Variants in SH3BP5 observed in about 807,000 individuals in gnomAD.
SH3BP5 encodes the protein SH3 domain-binding protein 5.
SH3BP5 carries 22 observed loss-of-function variants against 43.3 expected under a neutral mutation model. The observed-to-expected ratio is 0.51, with a 90% CI of 0.36 to 0.73. SH3BP5 has a LOEUF of 0.73. SH3BP5 is among the 30% of genes least tolerant of loss of function. The pLI is 0.00. For missense variants in SH3BP5, 529 were observed against 586.9 expected, an observed-to-expected ratio of 0.90 and a Z score of 1.02; for synonymous variants, 255 against 225.8, an observed-to-expected ratio of 1.13 and a Z score of -1.16.
intron 5 of SH3BP5, among the ~76,000 whole-genome samples, chr3:15,261,583 C>G (rs1309141975): frequency 6.6e-6 from 1 of 152,096 alleles, no homozygotes; most frequent in Non-Finnish European, 1.5e-5. Context: ...GCTAGGAGGC[C>G]TAGCAATTGG....
intron 3 of SH3BP5, among the ~76,000 whole-genome samples, chr3:15,281,628 A>G (rs188693732): frequency 1.2e-4 from 19 of 152,212 alleles, no homozygotes; most frequent in Middle Eastern, 6.8e-3. Context: ...CTGCTCCCCA[A>G]GTGCATGGTT....
chr3:15,318,704 A>T (rs1181558736), intron 2 of SH3BP5, among the ~76,000 whole-genome samples: 2 of 152,162 alleles, frequency 1.3e-5, no homozygotes, highest in Non-Finnish European at 2.9e-5. Context: ...CTGGGATTAC[A>T]GGCATGCACT....
At chr3:15,258,213 C>T (rs1696293354) in intron 7 of SH3BP5, 1 of 152,204 alleles carries the variant, frequency 6.6e-6, no homozygotes, top group Non-Finnish European at 1.5e-5. Context: ...TATGCAAAGA[C>T]AGCGTTGGGT....
Position 15,262,274 on chromosome 3 carries a change from G to C in SH3BP5, c.511C>G (p.Gln171Glu). The C allele has an allele frequency of 6.2e-7, 1 of 1,614,126 alleles. No homozygotes were observed. Reference protein sequence around the residue: ...HATQRVMEAEQTKTRSELVHK... With the variant: ...HATQRVMEAEETKTRSELVHK... ...ACCAGCTCGCTCCTGGTCTTGGTCT[G>C]CTCCGCCTCCATGACCTTAAAATGA... Residue 171 changes from glutamine to glutamate, a missense_variant, in exon 5 of 9, where the codon CAG becomes GAG. This residue lies in a region of SH3BP5 where 369 missense variants were observed against 384.3 expected (regional missense o/e 0.96). Transcript: ENST00000383791.
intron 2 of SH3BP5, among the ~76,000 whole-genome samples, chr3:15,313,325 C>T (rs1698106104): frequency 6.6e-6 from 1 of 152,220 alleles, no homozygotes; most frequent in East Asian, 1.9e-4. Context: ...CACATGCAGT[C>T]CTAGGATGTG....
intron 2 of SH3BP5, among the ~76,000 whole-genome samples, chr3:15,318,824 G>A (rs547225624): frequency 7.9e-5 from 12 of 152,238 alleles, no homozygotes; most frequent in South Asian, 2.1e-4. Context: ...TGCTGGCCTC[G>A]GCCTCCCAAA....
chr3:15,337,625 G>T (rs1300969830), intron 1 of SH3BP5, among the ~76,000 whole-genome samples: 2 of 151,892 alleles, frequency 1.3e-5, no homozygotes, highest in Non-Finnish European at 1.5e-5. Flanking sequence ...TGAAACCTGG[G>T]CCCCAGGCCA....
intron 3 of SH3BP5, among the ~76,000 whole-genome samples, chr3:15,277,214 C>T (rs1003658108): frequency 1.3e-5 from 2 of 152,170 alleles, no homozygotes; most frequent in Non-Finnish European, 1.5e-5. Flanking sequence ...TTAGGTGATC[C>T]GCCTGCCTCA....
chr3:15,258,603 TGTAA>T, intron 7 of SH3BP5: 1 of 562,078 alleles, frequency 1.8e-6, no homozygotes, highest in East Asian at 2.9e-5. Flanking sequence ...GGAGTGAAGG[TGTAA>T]CATTTTCCCA....
At chr3:15,269,668 C>T in intron 4 of SH3BP5, 45 bp downstream of exon 4, 1 of 1,486,586 alleles carries the variant, frequency 6.7e-7, no homozygotes, top group Non-Finnish European at 9.0e-7. Flanking sequence ...AGCCAGCGCG[C>T]ATGCACGCGC....
intron 3 of SH3BP5, among the ~76,000 whole-genome samples, chr3:15,290,085 C>T (rs968995982): frequency 1.1e-4 from 17 of 152,134 alleles, no homozygotes; most frequent in Non-Finnish European, 2.1e-4. Flanking sequence ...GAGCACAGGG[C>T]ATCTTTTTTT....
rs1231541691 is a variant in SH3BP5 at position 15,256,131 on chromosome 3, TC to T, written c.1322del (p.Gly441GlufsTer9). 2 of 1,614,088 alleles carry T rather than the reference TC, an allele frequency of 1.2e-6. No homozygotes were observed. Among genetic ancestry groups the T allele is most frequent in the African/African-American group, 1.3e-5 (1 of 74,936 alleles). On this transcript the variant is annotated frameshift_variant, in exon 9 of 9. Transcript: ENST00000383791. LOFTEE classifies it high-confidence loss of function. ...MKQLSLQCSKGRDGIIADIKM... is the reference protein window; with the variant it reads ...MKQLSLQCSKXRDGIIADIKM... Reference sequence around the variant, plus strand: ...TTATGTCAGCAATAATTCCATCTCTTCCCTTTGAGCACTGTAGGGAGAGCTG... The same window carrying T: ...TTATGTCAGCAATAATTCCATCTCTTCCTTTGAGCACTGTAGGGAGAGCTG...
intron 2 of SH3BP5, among the ~76,000 whole-genome samples, chr3:15,311,824 T>A (rs944465623): frequency 1.3e-5 from 2 of 151,990 alleles, no homozygotes; most frequent in Non-Finnish European, 2.9e-5. Context: ...GAGGCACGTA[T>A]GACCACACCC....
chr3:15,261,505 C>T (rs150578178), intron 5 of SH3BP5, among the ~76,000 whole-genome samples: 150 of 152,236 alleles, frequency 9.9e-4, no homozygotes, highest in African/African-American at 3.4e-3. Flanking sequence ...ATTCAGTAGC[C>T]CTGCACAGCC....
intron 3 of SH3BP5, among the ~76,000 whole-genome samples, chr3:15,296,294 A>G (rs1697566931): frequency 6.6e-6 from 1 of 151,906 alleles, no homozygotes; most frequent in Non-Finnish European, 1.5e-5. Context: ...CTGACCTGCT[A>G]TAATCCTCCC....
At position 15,332,097 on chromosome 3, in the gene SH3BP5, TC is replaced by T; in HGVS notation, c.138+173del. ...CCGCATCCACGCGGGCACTGTAGCC[TC>T]CTCATTGTGGAGACGATGAAACGGA... On this transcript the variant is annotated intron_variant, in intron 1 of 8. Coordinates refer to ENST00000383791, the MANE Select transcript of SH3BP5 (RefSeq NM_004844.5). The T allele has an allele frequency of 2.9e-6, 3 of 1,051,998 alleles. No homozygotes were observed. The South Asian group carries it at 4.7e-5, about 17-fold the overall frequency. The allele number at this position is 1,051,998 out of a possible 1,614,324, so 65.2% of individuals were successfully genotyped here.
rs140287995 is a variant in SH3BP5, at chr3:15,258,895, A to G, written c.825T>C (p.Ala275=). 1.9e-6 allele frequency: 3 copies of G among 1,614,122 alleles called. No homozygotes were observed. The highest frequency in any genetic ancestry group is 2.7e-5 in the African/African-American group (2 of 74,938). ...CCTCCACAGATGTGCTGCTGCCCTC[A>G]GCACCAACACCGCATCCCCGAGGCC... ...AMGPRGCGVG[A]EGSSTSVEDL... is the part of the protein sequence containing the mutation. The change falls in exon 7 of 9, where the codon GCT becomes GCC. Residue 275 remains alanine, a synonymous_variant. Transcript: ENST00000383791.
intron 2 of SH3BP5, among the ~76,000 whole-genome samples, chr3:15,309,608 G>C (rs1470836645): frequency 1.3e-5 from 2 of 152,072 alleles, no homozygotes; most frequent in Non-Finnish European, 2.9e-5. Context: ...ATCAAATTTA[G>C]GTTTTACAAA....
chr3:15,328,759 T>C (rs1698528745), intron 2 of SH3BP5, among the ~76,000 whole-genome samples: 1 of 151,958 alleles, frequency 6.6e-6, no homozygotes, highest in South Asian at 2.1e-4. Context: ...CCTGGGAGTA[T>C]AAGATGGGAG....
Sources: gnomAD v4.1 joint callset for allele counts (sites outside exome capture counted in the v4.1 genomes callset) on GRCh38, gnomAD v4.1.1 for gene constraint, gnomAD v4.1.1 regional missense constraint, MANE v1.5 for transcripts, NCBI Gene and HGNC (gene_info 2026-07-23, HGNC 2026-07-21) for gene names.